The following ZNF213 variants were observed in gnomAD, a reference collection of about 807,000 sequenced individuals.
ZNF213 encodes the protein putative transcription factor CR53.
In ZNF213, 32 loss-of-function variants were observed where a neutral mutation model predicts 46.0. The ratio of observed to expected loss-of-function variants is 0.70; its 90% CI spans 0.52 to 0.93. The LOEUF is 0.93. Ranked by LOEUF, ZNF213 falls within the 40% of genes least tolerant of loss-of-function variation. The probability of loss-of-function intolerance (pLI) is 0.00; values close to 1 mark genes in which losing one functional copy is unlikely to be tolerated. For missense variants in ZNF213, 639 were observed against 652.8 expected (o/e 0.98, Z 0.23); for synonymous variants, 297 against 271.0 (o/e 1.10, Z -0.94).
intron 1 of ZNF213, among the ~76,000 whole-genome samples, 190 bp from the exon 2 acceptor site, chr16:3,136,976 G>A (rs1245944035): frequency 1.3e-5 from 2 of 152,166 alleles, no homozygotes; most frequent in African/African-American, 4.8e-5. Flanking sequence ...TTGGATTTCT[G>A]GCTTTGGGAT....
Position 3,137,610 on chromosome 16 carries a change from G to A in ZNF213, c.330G>A (p.Pro110=), listed in dbSNP as rs945275837. ...AGGGCTGGGTGCGTGAGCAGCACCC[G>A]GGAAGCGGTGAGGAGGCTGTCGCCT... is the stretch of plus-strand genomic sequence containing the variant. The part of the protein sequence containing the change: ...EIQGWVREQH[P]GSGEEAVALV... The change falls in exon 2 of 6, where the codon CCG becomes CCA. Residue 110 remains proline (P), a synonymous_variant. Transcript: ENST00000396878. The A allele has an allele frequency of 9.9e-6, 16 of 1,613,878 alleles. No homozygotes were observed. The highest frequency in any genetic ancestry group is 8.0e-5 in the African/African-American group (6 of 74,922).
In ZNF213 at chr16:3,141,171, G is replaced by A. The variant is rs1296230751; in HGVS notation, c.1204G>A (p.Gly402Ser). 1.9e-6 allele frequency: 3 copies of A among 1,612,462 alleles called. No homozygotes were observed. The highest frequency in any genetic ancestry group is 2.5e-6 in the Non-Finnish European group (3 of 1,179,878). Residue 402 changes from glycine (G) to serine (S), a missense_variant, in exon 6 of 6, where the codon GGC becomes AGC. Coordinates refer to ENST00000396878, the MANE Select transcript of ZNF213 (RefSeq NM_004220.3). ...QRIHTGEKPF[G>S]CSDCGKSFSL... The stretch of plus-strand genomic sequence containing the variant: ...CATACACACGGGCGAGAAGCCTTTC[G>A]GCTGCAGCGACTGCGGCAAGAGCTT...
At chr16:3,140,521 C>A in intron 5 of ZNF213, 168 bp from the exon 6 acceptor site, 6 of 1,036,236 alleles carry the variant, frequency 5.8e-6, no homozygotes, top group Non-Finnish European at 7.7e-6. Context: ...CTGCGCCTGG[C>A]CAATCATCCC....
chr16:3,141,179 C>G lies in ZNF213; in HGVS notation c.1212C>G (p.Ser404Arg). 1.2e-6 allele frequency: 2 copies of G among 1,612,310 alleles called. No individual in the cohort carries two copies. Among genetic ancestry groups the G allele is most frequent in the East Asian group, 2.2e-5 (1 of 44,868 alleles). Reference protein sequence around the residue: ...IHTGEKPFGCSDCGKSFSLRS... With the variant: ...IHTGEKPFGCRDCGKSFSLRS... ...CGGGCGAGAAGCCTTTCGGCTGCAGCGACTGCGGCAAGAGCTTCTCGCTGC... is the reference window on the plus strand; with the variant it reads ...CGGGCGAGAAGCCTTTCGGCTGCAGGGACTGCGGCAAGAGCTTCTCGCTGC... Residue 404 changes from serine (S) to arginine (R), a missense_variant, in exon 6 of 6, where the codon AGC becomes AGG. Physicochemically the swap from Ser to Arg is moderately radical, Grantham distance 110. Transcript: ENST00000396878.
intron 1 of ZNF213, 39 bp downstream of exon 1, chr16:3,135,426 G>C (rs1957523544): frequency 6.6e-6 from 1 of 152,284 alleles, no homozygotes; most frequent in Non-Finnish European, 1.5e-5. Context: ...CTTCTTCGAA[G>C]TCACCAGAGG....
In ZNF213 at chr16:3,137,452, G is replaced by C; in HGVS notation, c.172G>C (p.Gly58Arg). 6.2e-7 allele frequency: 1 copy of C among 1,613,986 alleles called. No homozygotes were observed. The highest frequency in any genetic ancestry group is 8.5e-7 in the Non-Finnish European group (1 of 1,180,040). Reference protein sequence around the residue: ...FRQFCYGDVHGPHEAFSQLWE... With the variant: ...FRQFCYGDVHRPHEAFSQLWE... ...GCAATTCTGCTACGGGGATGTGCAT[G>C]GGCCTCATGAGGCCTTCAGCCAGCT... is the stretch of plus-strand genomic sequence containing the variant. Residue 58 changes from glycine to arginine, a missense_variant, in exon 2 of 6, where the codon GGG (glycine) becomes CGG (arginine). Physicochemically the swap from Gly to Arg is moderately radical, Grantham distance 125 (BLOSUM62 -2). Transcript: ENST00000396878.
Position 3,137,212 on chromosome 16 carries a change from G to A in ZNF213, c.-69G>A. 6.6e-7 allele frequency: 1 copy of A among 1,515,590 alleles called. No individual in the cohort carries two copies. Among genetic ancestry groups the A allele is most frequent in the Non-Finnish European group, 8.8e-7 (1 of 1,136,482 alleles). The allele number at this position is 1,515,590 out of a possible 1,614,324, so 93.9% of individuals were successfully genotyped here. ...CCCAGCTACCACAGGGGATCCCTCT[G>A]GGAGACTGAAAGTACAGGTTCTGGG... On this transcript the variant is annotated 5_prime_UTR_variant, in exon 2 of 6. Transcript: ENST00000396878.
rs376961070 is a variant in ZNF213, at chr16:3,141,311, G to A, written c.1344G>A (p.Gln448=). 57 of 1,592,418 alleles carry A rather than the reference G, an allele frequency of 3.6e-5. No individual in the cohort carries two copies. The African/African-American group carries it at 6.8e-4, about 19-fold the overall frequency. Residue 448 remains glutamine (Q), a synonymous_variant, in exon 6 of 6, where the codon CAG becomes CAA. Transcript: ENST00000396878. Reference sequence around the variant, plus strand: ...AGCGCGCGCACCTCATCGCGCATCAGAGCCTGCACGCCAAGATGGCCCAGC... The same window carrying A: ...AGCGCGCGCACCTCATCGCGCATCAAAGCCTGCACGCCAAGATGGCCCAGC... ...FKQRAHLIAH[Q]SLHAKMAQPV...
Position 3,141,270 on chromosome 16 carries a change from G to A in ZNF213, c.1303G>A (p.Asp435Asn), listed in dbSNP as rs1410245377. ...GERPFGCGEC[D>N]KSFKQRAHLI... ...GCGGCCCTTCGGCTGCGGAGAGTGC[G>A]ACAAGAGCTTCAAGCAGCGCGCGCA... The change falls in exon 6 of 6, where the codon GAC (aspartate) becomes AAC (asparagine). Residue 435 changes from aspartate (D) to asparagine (N), a missense_variant. Physicochemically the swap from Asp to Asn is conservative, Grantham distance 23. Coordinates refer to ENST00000396878, the MANE Select transcript of ZNF213 (RefSeq NM_004220.3). 1.9e-6 allele frequency: 3 copies of A among 1,611,652 alleles called. No homozygotes were observed. Among genetic ancestry groups the A allele is most frequent in the Admixed American group, 1.7e-5 (1 of 59,996 alleles).
intron 1 of ZNF213, among the ~76,000 whole-genome samples, chr16:3,135,935 C>T (rs8061451): frequency 0.048 from 7,177 of 149,760 alleles, 556 homozygotes; most frequent in African/African-American, 0.17. Flanking sequence ...AACTCCTGGA[C>T]TCAAGCAATC....
At chr16:3,136,835 C>T (rs1456229932) in intron 1 of ZNF213, among the ~76,000 whole-genome samples, 1 of 151,942 alleles carries the variant, frequency 6.6e-6, no homozygotes, top group East Asian at 1.9e-4. Context: ...TTAATATTTC[C>T]ACCATAATTT....
At position 3,137,629 on chromosome 16, in the gene ZNF213, G is replaced by A; in HGVS notation, c.349G>A (p.Val117Ile). 4.3e-6 allele frequency: 7 copies of A among 1,613,892 alleles called. No individual in the cohort carries two copies. The highest frequency in any genetic ancestry group is 5.9e-6 in the Non-Finnish European group (7 of 1,180,028). ...GCACCCGGGAAGCGGTGAGGAGGCT[G>A]TCGCCTTGGTGGAGGACCTACAGAA... ...EQHPGSGEEA[V>I]ALVEDLQKQP... is the part of the protein sequence containing the mutation. Residue 117 changes from valine (V) to isoleucine (I), a missense_variant, in exon 2 of 6, where the codon GTC becomes ATC. By Grantham distance (29) the Val-to-Ile change is conservative. Coordinates refer to ENST00000396878, the MANE Select transcript of ZNF213 (RefSeq NM_004220.3).
At position 3,141,565 on chromosome 16, in the gene ZNF213, C is replaced by G. The variant is rs555457927; in HGVS notation, c.*218C>G. The G allele has an allele frequency of 3.7e-6, 2 of 543,592 alleles. No homozygotes were observed. Among genetic ancestry groups the G allele is most frequent in the Non-Finnish European group, 6.4e-6 (2 of 313,794 alleles). The allele number at this position is 543,592 out of a possible 1,614,324, so 33.7% of individuals were successfully genotyped here. A position where few individuals can be genotyped will look rare whatever the true frequency, so the allele number is the denominator to read the frequency against. On this transcript the variant is annotated 3_prime_UTR_variant, in exon 6 of 6. Coordinates refer to ENST00000396878, the MANE Select transcript of ZNF213 (RefSeq NM_004220.3). ...TTCCCCTCCCGCCCCCGATCTTGTC[C>G]TCTTTCCCCCTTCTGCGCCTAGCGT...
intron 1 of ZNF213, 194 bp downstream of exon 1, chr16:3,135,581 C>T (rs1957524944): frequency 6.6e-6 from 1 of 152,200 alleles, no homozygotes; most frequent in African/African-American, 2.4e-5. Flanking sequence ...ACCGCGGAAG[C>T]TCATAGTGCC....
rs1957571704 is a variant in ZNF213 at position 3,138,813 on chromosome 16, G to A, written c.592G>A (p.Val198Ile). 1 of 1,613,900 alleles carries A rather than the reference G, an allele frequency of 6.2e-7. No individual in the cohort carries two copies. The highest frequency in any genetic ancestry group is 1.3e-5 in the African/African-American group (1 of 74,920). The change falls in exon 4 of 6, where the codon GTC becomes ATC. Residue 198 changes from valine (V) to isoleucine (I), a missense_variant. Physicochemically the swap from Val to Ile is conservative, Grantham distance 29. Transcript: ENST00000396878. ...GACGGACACCTGCTTTGTCTCTGGG[G>A]TCCATGTGAGTCACCAGTCCCTTTG... Reference protein sequence around the residue: ...ETTDTCFVSGVHGPVALGDIP... With the variant: ...ETTDTCFVSGIHGPVALGDIP...
rs1957518926 is a variant in ZNF213 at position 3,135,100 on chromosome 16, G to GGGGGCGGGGGCGGGGGCGGGGGCC, written c.-393_-370dup. 2 of 112,502 alleles carry GGGGGCGGGGGCGGGGGCGGGGGCC rather than the reference G, an allele frequency of 1.8e-5. No homozygotes were observed. The highest frequency in any genetic ancestry group is 4.4e-5 in the Non-Finnish European group (2 of 45,524). 7.0% of individuals were successfully genotyped at this position (112,502 alleles called of 1,614,324 possible). On this transcript the variant is annotated 5_prime_UTR_variant, in exon 1 of 6. Transcript: ENST00000396878. ...GGCCGTAGTGGGCGTTGTGTGTTTC[G>GGGGGCGGGGGCGGGGGCGGGGGCC]GGGGCGGGGGCGGGGGCGGGGGCCG...
rs1205938035 is a variant in ZNF213 at position 3,141,185 on chromosome 16, C to T, written c.1218C>T (p.Cys406=). The T allele has an allele frequency of 1.9e-6, 3 of 1,612,420 alleles. No homozygotes were observed. Among genetic ancestry groups the T allele is most frequent in the African/African-American group, 1.3e-5 (1 of 75,056 alleles). The change falls in exon 6 of 6, where the codon TGC becomes TGT. Residue 406 remains cysteine (C), a synonymous_variant. Coordinates refer to ENST00000396878, the MANE Select transcript of ZNF213 (RefSeq NM_004220.3). The part of the protein sequence containing the change: ...TGEKPFGCSD[C]GKSFSLRSYL... ...AGAAGCCTTTCGGCTGCAGCGACTG[C>T]GGCAAGAGCTTCTCGCTGCGCTCCT...
rs1331293551 is a variant in ZNF213, at chr16:3,138,732, T to C, written c.524-13T>C. The C allele has an allele frequency of 6.2e-7, 1 of 1,614,066 alleles. No homozygotes were observed. Among genetic ancestry groups the C allele is most frequent in the East Asian group, 2.2e-5 (1 of 44,884 alleles). ...TGGGCTGGCCTTTCTAAGGCTCCATTCTTCTCCTTCAGCCCAGCCTCCTGC... is the reference window on the plus strand; with the variant it reads ...TGGGCTGGCCTTTCTAAGGCTCCATCCTTCTCCTTCAGCCCAGCCTCCTGC... On this transcript the variant is annotated splice_polypyrimidine_tract_variant and intron_variant, in intron 3 of 5. Coordinates refer to ENST00000396878, the MANE Select transcript of ZNF213 (RefSeq NM_004220.3).
chr16:3,135,526 G>A (rs1957524438), intron 1 of ZNF213, 139 bp downstream of exon 1: 1 of 152,210 alleles, frequency 6.6e-6, no homozygotes, highest in African/African-American at 2.4e-5. Flanking sequence ...GAAACAACCC[G>A]AATGCATCAC....
Sources: allele counts gnomAD v4.1 joint callset (sites outside exome capture counted in the v4.1 genomes callset), GRCh38; gene constraint gnomAD v4.1.1; transcripts MANE v1.5; gene names NCBI Gene and HGNC (gene_info 2026-07-23, HGNC 2026-07-21).